RFC3: variants seen among roughly 807,000 people sequenced by gnomAD.
The protein encoded by RFC3 is replication factor C subunit 3, also known as A1 38 kDa subunit.
A neutral mutation model predicts 45.1 loss-of-function variants in RFC3; 41 were observed. The ratio of observed to expected loss-of-function variants is 0.91; its 90% CI spans 0.71 to 1.18. The LOEUF is 1.18. Among genes scored for constraint, RFC3 ranks in the 50% most tolerant of loss-of-function variants. The pLI is 0.00. For synonymous variants in RFC3, 149 were observed against 144.0 expected (o/e 1.03, Z -0.25); for missense variants, 423 against 428.1 (o/e 0.99, Z 0.10).
At chr13:33,896,711 CAAAAAAAA>C (rs56129519) in intron 8 of RFC3, among the ~76,000 whole-genome samples, 1 of 42,114 alleles carries the variant, frequency 2.4e-5, no homozygotes, top group Non-Finnish European at 4.9e-5. Context: ...GACTTTGTCT[CAAAAAAAA>C]AAAAAAAAAA....
intron 7 of RFC3, among the ~76,000 whole-genome samples, chr13:33,832,429 A>G (rs919054612): frequency 2.0e-5 from 3 of 152,198 alleles, no homozygotes; most frequent in Non-Finnish European, 4.4e-5. Flanking sequence ...GATGAATTCT[A>G]ATTTTTTAAG....
chr13:33,915,800 A>ATG (rs762519997), intron 8 of RFC3, among the ~76,000 whole-genome samples: 1 of 150,622 alleles, frequency 6.6e-6, no homozygotes, highest in Non-Finnish European at 1.5e-5. Context: ...CTATATTTCT[A>ATG]TATATATATA....
intron 8 of RFC3, among the ~76,000 whole-genome samples, chr13:33,949,669 G>A (rs917624456): frequency 6.6e-6 from 1 of 152,108 alleles, no homozygotes; most frequent in Non-Finnish European, 1.5e-5. Flanking sequence ...GCCGCAGAGT[G>A]CCCAAATATT....
intron 8 of RFC3, among the ~76,000 whole-genome samples, chr13:33,899,204 C>CAAAAAAAAAAAAAAA (rs59221382): frequency 0.021 from 1,102 of 51,996 alleles, 9 homozygotes; most frequent in Middle Eastern, 0.031. Context: ...CACAATAAGA[C>CAAAAAAAAAAAAAAA]AAAAAAAAAA....
intron 8 of RFC3, among the ~76,000 whole-genome samples, chr13:33,959,505 G>T (rs779594334): frequency 6.6e-6 from 1 of 152,070 alleles, no homozygotes; most frequent in Non-Finnish European, 1.5e-5. Context: ...AGCATAAATT[G>T]CATTCTTCCT....
intron 8 of RFC3, among the ~76,000 whole-genome samples, chr13:33,845,441 G>A (rs1593632213): frequency 6.6e-6 from 1 of 151,972 alleles, no homozygotes. Flanking sequence ...TTTCTAGATC[G>A]TGTAGGCATG....
chr13:33,839,260 A>G (rs1210252039), downstream of RFC3, among the ~76,000 whole-genome samples: 2 of 152,144 alleles, frequency 1.3e-5, no homozygotes, highest in East Asian at 1.9e-4. Flanking sequence ...TTGTCTGTCA[A>G]TGGCCATGAA....
rs187994833 is a variant in RFC3, at chr13:33,843,959, C to T, written c.879+8742C>T. Among the ~76,000 whole-genome samples the T allele has an allele frequency of 2.0e-5, 3 of 152,288 alleles. No homozygotes were observed. In the East Asian group the frequency reaches 5.8e-4, roughly 29 times the overall value. On this transcript the variant is annotated intron_variant, in intron 8 of 8. Transcript: ENST00000434425. ...ACATTTATATGCAACCTATATTCTC[C>T]TAATACGGTAGAGAAGCTGCCCATC... is the stretch of plus-strand genomic sequence containing the variant.
At chr13:33,877,196 T>G (rs952947082) in intron 8 of RFC3, among the ~76,000 whole-genome samples, 1 of 152,202 alleles carries the variant, frequency 6.6e-6, no homozygotes, top group Non-Finnish European at 1.5e-5. Flanking sequence ...TTGAGTGACT[T>G]AGCCAAAGTC....
At chr13:33,926,617 A>T (rs2082815408) in intron 8 of RFC3, among the ~76,000 whole-genome samples, 1 of 152,112 alleles carries the variant, frequency 6.6e-6, no homozygotes, top group South Asian at 2.1e-4. Flanking sequence ...AGTAAGTTTT[A>T]CTGTAGTTTT....
intron 8 of RFC3, among the ~76,000 whole-genome samples, chr13:33,913,158 T>C (rs1340403418): frequency 6.6e-6 from 1 of 152,106 alleles, no homozygotes; most frequent in Non-Finnish European, 1.5e-5. Context: ...TCAGTGTATG[T>C]ATGTAAACTT....
intron 8 of RFC3, among the ~76,000 whole-genome samples, chr13:33,907,208 G>A (rs570777237): frequency 6.6e-6 from 1 of 152,180 alleles, no homozygotes; most frequent in South Asian, 2.1e-4. Flanking sequence ...GTGGGGTAGA[G>A]ACTTTGGGTA....
At chr13:33,931,646 T>C (rs939949581) in intron 8 of RFC3, among the ~76,000 whole-genome samples, 1 of 151,828 alleles carries the variant, frequency 6.6e-6, no homozygotes, top group Non-Finnish European at 1.5e-5. Context: ...TTAGAAGTTG[T>C]GTATAAGGTA....
At chr13:33,863,590 C>T (rs536008274) in intron 8 of RFC3, among the ~76,000 whole-genome samples, 37 of 152,180 alleles carry the variant, frequency 2.4e-4, no homozygotes, top group Non-Finnish European at 4.3e-4. Flanking sequence ...CTGGTTCCAA[C>T]CATAAGAATT....
intron 8 of RFC3, among the ~76,000 whole-genome samples, chr13:33,954,542 G>C (rs117250041): frequency 6.6e-6 from 1 of 152,296 alleles, no homozygotes; most frequent in Non-Finnish European, 1.5e-5. Flanking sequence ...GTCTTAGTTC[G>C]TTCAGGCAGT....
At chr13:33,847,317 T>TA (rs1319919765) in intron 8 of RFC3, 2 of 152,164 alleles carry the variant, frequency 1.3e-5, no homozygotes, top group Non-Finnish European at 2.9e-5. Flanking sequence ...AATACAGTGT[T>TA]AAAATCAGGT....
At chr13:33,862,543 G>C (rs761349157) in intron 8 of RFC3, among the ~76,000 whole-genome samples, 20 of 151,898 alleles carry the variant, frequency 1.3e-4, no homozygotes, top group Admixed American at 3.9e-4. Context: ...ATGTAAATCA[G>C]TATGTTTCCC....
intron 8 of RFC3, among the ~76,000 whole-genome samples, chr13:33,964,466 G>A (rs1464843500): frequency 6.6e-6 from 1 of 152,168 alleles, no homozygotes; most frequent in Admixed American, 6.5e-5. Context: ...TTTGTCCAGA[G>A]TTTCACAAGG....
At chr13:33,969,363 A>G (rs2083101082), downstream of RFC3, among the ~76,000 whole-genome samples, 1 of 152,192 alleles carries the variant, frequency 6.6e-6, no homozygotes, top group Non-Finnish European at 1.5e-5. Flanking sequence ...AGTCTGTTTC[A>G]CCAGCGATTT....
Sources: gnomAD v4.1 joint callset for allele counts (sites outside exome capture counted in the v4.1 genomes callset) on GRCh38, gnomAD v4.1.1 for gene constraint, MANE v1.5 for transcripts, NCBI Gene and HGNC (gene_info 2026-07-23, HGNC 2026-07-21) for gene names.